The following CAMK2D variants were observed in gnomAD, a reference collection of about 807,000 sequenced individuals.
The protein encoded by CAMK2D is calcium/calmodulin dependent protein kinase II delta, also known as calcium/calmodulin-dependent protein kinase type II subunit delta.
CAMK2D carries 37 observed loss-of-function variants against 84.0 expected under a neutral mutation model. The observed-to-expected ratio is 0.44, with a 90% CI of 0.34 to 0.58. The LOEUF is 0.58. Among genes scored for constraint, CAMK2D ranks in the 20% least tolerant of loss-of-function variants. The pLI is 0.02. For synonymous variants in CAMK2D, 202 were observed against 212.5 expected (o/e 0.95, Z 0.43); for missense variants, 448 against 652.5 (o/e 0.69, Z 3.41).
At chr4:113,599,379 TATATGG>T (rs2098941849) in intron 4 of CAMK2D, among the ~76,000 whole-genome samples, 1 of 152,226 alleles carries the variant, frequency 6.6e-6, no homozygotes, top group South Asian at 2.1e-4. Flanking sequence ...CAAAAACCTA[TATATGG>T]ATGTTTATAG....
chr4:113,744,310 C>T (rs1464599175), intron 2 of CAMK2D, among the ~76,000 whole-genome samples: 1 of 152,146 alleles, frequency 6.6e-6, no homozygotes, highest in African/African-American at 2.4e-5. Context: ...TGACCCAATC[C>T]TCGTGACCTT....
At chr4:113,603,438 G>A (rs1414885187) in intron 4 of CAMK2D, among the ~76,000 whole-genome samples, 1 of 135,480 alleles carries the variant, frequency 7.4e-6, no homozygotes, top group Non-Finnish European at 1.5e-5. Flanking sequence ...TCCTTTGTAG[G>A]GACATGGATA....
At chr4:113,551,993 T>A (rs2285705) in intron 5 of CAMK2D, 38 bp downstream of exon 5, 1 of 936,636 alleles carries the variant, frequency 1.1e-6, no homozygotes, top group African/African-American at 1.7e-5. Flanking sequence ...ATTATTTGAA[T>A]GTTGAGTCTT....
chr4:113,639,679 C>T (rs989093441), intron 3 of CAMK2D, among the ~76,000 whole-genome samples: 3 of 151,502 alleles, frequency 2.0e-5, no homozygotes, highest in Admixed American at 6.6e-5. Flanking sequence ...AGAAGAAGAG[C>T]GTCTCCCACC....
chr4:113,530,186 T>G (rs1052101898), intron 8 of CAMK2D, among the ~76,000 whole-genome samples: 1 of 152,226 alleles, frequency 6.6e-6, no homozygotes, highest in Non-Finnish European at 1.5e-5. Context: ...TTGGATTTTT[T>G]CAGATTTTGT....
intron 4 of CAMK2D, among the ~76,000 whole-genome samples, chr4:113,597,177 G>A (rs1163086714): frequency 1.3e-5 from 2 of 152,178 alleles, no homozygotes; most frequent in African/African-American, 4.8e-5. Flanking sequence ...GTCATCATAT[G>A]CATTAATCCC....
chr4:113,473,011 T>C (rs2097565000), intron 16 of CAMK2D, among the ~76,000 whole-genome samples: 1 of 152,172 alleles, frequency 6.6e-6, no homozygotes, highest in African/African-American at 2.4e-5. Flanking sequence ...TTTATTTGGC[T>C]AAGGTTCCCC....
At chr4:113,581,054 T>C (rs539701391) in intron 4 of CAMK2D, among the ~76,000 whole-genome samples, 100 of 152,220 alleles carry the variant, frequency 6.6e-4, no homozygotes, top group African/African-American at 2.3e-3. Context: ...ATCCTGCACA[T>C]GTGCCCCAGC....
intron 8 of CAMK2D, among the ~76,000 whole-genome samples, chr4:113,520,271 G>A (rs1469730522): frequency 6.6e-6 from 1 of 152,000 alleles, no homozygotes; most frequent in Admixed American, 6.6e-5. Context: ...AACCGGGCAT[G>A]GTGGCACATG....
At chr4:113,506,578 C>T (rs929815323) in intron 13 of CAMK2D, among the ~76,000 whole-genome samples, 6 of 151,968 alleles carry the variant, frequency 3.9e-5, no homozygotes, top group African/African-American at 1.2e-4. Context: ...GTACAGGGTA[C>T]GTGAGAAAAG....
chr4:113,640,034 T>C (rs896923589), intron 3 of CAMK2D, among the ~76,000 whole-genome samples: 3 of 151,736 alleles, frequency 2.0e-5, no homozygotes, highest in South Asian at 2.1e-4. Flanking sequence ...TAAGTGCTTA[T>C]ATAAGTTGGC....
At chr4:113,638,032 ATC>A (rs1222744337) in intron 3 of CAMK2D, among the ~76,000 whole-genome samples, 3 of 152,140 alleles carry the variant, frequency 2.0e-5, no homozygotes, top group African/African-American at 7.2e-5. Flanking sequence ...ACATCCACTC[ATC>A]TCTTAGTGCC....
chr4:113,735,399 C>T (rs1338859707), intron 2 of CAMK2D, among the ~76,000 whole-genome samples: 5 of 151,046 alleles, frequency 3.3e-5, no homozygotes, highest in Admixed American at 6.6e-5. Context: ...CGCTTGAGCC[C>T]GCGAGGCAGA....
At chr4:113,591,196 A>AG (rs2098878156) in intron 4 of CAMK2D, among the ~76,000 whole-genome samples, 1 of 151,748 alleles carries the variant, frequency 6.6e-6, no homozygotes, top group Admixed American at 6.6e-5. Context: ...AAAAAAAAAA[A>AG]GGGAATAAGT....
intron 2 of CAMK2D, among the ~76,000 whole-genome samples, chr4:113,717,243 T>C (rs747884323): frequency 6.6e-6 from 1 of 152,168 alleles, no homozygotes; most frequent in African/African-American, 2.4e-5. Context: ...CTCTTATCTT[T>C]TCTATTCATT....
chr4:113,589,791 T>C (rs560418275), intron 4 of CAMK2D, among the ~76,000 whole-genome samples: 1 of 152,238 alleles, frequency 6.6e-6, no homozygotes, highest in South Asian at 2.1e-4. Context: ...CATTAGCTTA[T>C]AGATGGAATA....
chr4:113,700,270 A>C (rs568601041), intron 2 of CAMK2D, among the ~76,000 whole-genome samples: 12 of 152,192 alleles, frequency 7.9e-5, no homozygotes, highest in Non-Finnish European at 1.5e-4. Context: ...TTTGTCAATA[A>C]AATTTAAGTA....
At chr4:113,738,658 T>C (rs1297537808) in intron 2 of CAMK2D, among the ~76,000 whole-genome samples, 1 of 152,118 alleles carries the variant, frequency 6.6e-6, no homozygotes, top group Non-Finnish European at 1.5e-5. Context: ...TATATCTCCA[T>C]ATACTAAATA....
chr4:113,608,588 G>A (rs544760111), intron 4 of CAMK2D, among the ~76,000 whole-genome samples: 148 of 152,208 alleles, frequency 9.7e-4, no homozygotes, highest in African/African-American at 3.2e-3. Context: ...GAGCACAGTA[G>A]CACCAAATTG....
Sources: gnomAD v4.1 joint callset for allele counts (sites outside exome capture counted in the v4.1 genomes callset) on GRCh38, gnomAD v4.1.1 for gene constraint, MANE v1.5 for transcripts, NCBI Gene and HGNC (gene_info 2026-07-23, HGNC 2026-07-21) for gene names.